The following WWOX variants were observed in gnomAD, a reference collection of about 807,000 sequenced individuals.
WWOX encodes the protein WW domain containing oxidoreductase.
WWOX carries 69 observed loss-of-function variants against 46.2 expected under a neutral mutation model. That is an observed-to-expected ratio of 1.49 (90% CI 1.23 to 1.82). WWOX has a LOEUF of 1.82. Ranked by LOEUF, WWOX falls within the 40% of genes most tolerant of loss-of-function variation. The pLI is 0.00. For missense variants in WWOX, 919 were observed against 542.6 expected, an observed-to-expected ratio of 1.69 and a Z score of -6.89; for synonymous variants, 359 against 202.6, an observed-to-expected ratio of 1.77 and a Z score of -6.56.
chr16:79,190,513 C>T (rs1351537360), intron 8 of WWOX, among the ~76,000 whole-genome samples: 3 of 152,160 alleles, frequency 2.0e-5, no homozygotes, highest in African/African-American at 4.8e-5. Flanking sequence ...AGGCCTCACA[C>T]CCTCTGGCTC....
intron 5 of WWOX, among the ~76,000 whole-genome samples, chr16:78,280,324 A>G (rs1403140679): frequency 6.6e-6 from 1 of 152,204 alleles, no homozygotes; most frequent in Non-Finnish European, 1.5e-5. Flanking sequence ...TATATTTCAC[A>G]TGTTTTAAGA....
intron 5 of WWOX, among the ~76,000 whole-genome samples, chr16:78,216,512 G>C (rs963872696): frequency 1.5e-5 from 2 of 130,870 alleles, no homozygotes; most frequent in African/African-American, 2.9e-5. Context: ...TGGAGGCTCT[G>C]GGGGAAGGTC....
chr16:78,278,636 A>T (rs747957232), intron 5 of WWOX: 2 of 1,610,960 alleles, frequency 1.2e-6, no homozygotes, highest in Non-Finnish European at 8.5e-7. Context: ...AGAAAAGTGC[A>T]GAATAAAAAT....
At chr16:78,287,775 T>G (rs1253913237) in intron 5 of WWOX, among the ~76,000 whole-genome samples, 1 of 152,210 alleles carries the variant, frequency 6.6e-6, no homozygotes, top group East Asian at 1.9e-4. Context: ...ACTAGGCTTC[T>G]AATTTTTTTT....
intron 8 of WWOX, among the ~76,000 whole-genome samples, chr16:78,877,947 T>G (rs900259802): frequency 2.0e-4 from 31 of 152,170 alleles, no homozygotes; most frequent in Admixed American, 1.7e-3. Flanking sequence ...CCAGGTCTGT[T>G]CAATTGCAAA....
At chr16:78,180,664 C>T (rs1036704691) in intron 5 of WWOX, among the ~76,000 whole-genome samples, 3 of 151,732 alleles carry the variant, frequency 2.0e-5, no homozygotes, top group Non-Finnish European at 2.9e-5. Context: ...CCAGCCGCAC[C>T]GGAGAGTTGT....
At chr16:78,238,402 C>T (rs912539331) in intron 5 of WWOX, among the ~76,000 whole-genome samples, 3 of 151,972 alleles carry the variant, frequency 2.0e-5, no homozygotes, top group African/African-American at 2.4e-5. Context: ...CGGGCTCAGG[C>T]GATCTTCCTG....
chr16:78,814,388 T>C (rs1379575722), intron 8 of WWOX, among the ~76,000 whole-genome samples: 2 of 152,066 alleles, frequency 1.3e-5, no homozygotes, highest in African/African-American at 4.8e-5. Context: ...AAATACTATA[T>C]GTTAAAAAAT....
chr16:79,109,647 C>T (rs888799397), intron 8 of WWOX, among the ~76,000 whole-genome samples: 1 of 152,080 alleles, frequency 6.6e-6, no homozygotes, highest in Non-Finnish European at 1.5e-5. Flanking sequence ...ATAAAATGAA[C>T]ACTGGGGTAT....
rs903607095 is a variant in WWOX at position 78,338,263 on chromosome 16, A to G, written c.517-48597A>G. Among the ~76,000 whole-genome samples the G allele has an allele frequency of 2.5e-5, 3 of 121,130 alleles. No individual in the cohort carries two copies. The East Asian group carries it at 5.8e-4, about 23-fold the overall frequency. The allele number at this position is 121,130 out of a possible 152,430, so 79.5% of individuals were successfully genotyped here. A position where few individuals can be genotyped will look rare whatever the true frequency, so the allele number is the denominator to read the frequency against. On this transcript the variant is annotated intron_variant, in intron 5 of 8. Transcript: ENST00000566780. ...CAACCAAAATTTTATCACTTGCCTG[A>G]TACTGCCTAGTGAGCAGGTGGAAAT...
At chr16:78,822,942 A>G (rs1309471175) in intron 8 of WWOX, among the ~76,000 whole-genome samples, 2 of 152,116 alleles carry the variant, frequency 1.3e-5, no homozygotes, top group Admixed American at 1.3e-4. Flanking sequence ...AAAAAAAAAA[A>G]GGAATTAGAA....
chr16:78,188,075 A>T (rs1052936394), intron 5 of WWOX, among the ~76,000 whole-genome samples: 1 of 152,196 alleles, frequency 6.6e-6, no homozygotes, highest in African/African-American at 2.4e-5. Context: ...ATTAAAAGGT[A>T]CTTGCTATAG....
intron 8 of WWOX, among the ~76,000 whole-genome samples, chr16:78,498,686 C>G (rs2084979062): frequency 6.6e-6 from 1 of 152,162 alleles, no homozygotes; most frequent in Non-Finnish European, 1.5e-5. Flanking sequence ...GGCCGATTCC[C>G]CATTCTCTCT....
chr16:78,821,600 C>G (rs1394759266), intron 8 of WWOX, among the ~76,000 whole-genome samples: 1 of 152,044 alleles, frequency 6.6e-6, no homozygotes, highest in Admixed American at 6.6e-5. Context: ...ATTTTTATAC[C>G]CATATATGTG....
chr16:78,605,651 C>A (rs1468468629), intron 8 of WWOX, among the ~76,000 whole-genome samples: 1 of 152,180 alleles, frequency 6.6e-6, no homozygotes, highest in Non-Finnish European at 1.5e-5. Context: ...ACTCAGCTAT[C>A]CAGAATTACA....
intron 4 of WWOX, among the ~76,000 whole-genome samples, chr16:78,130,621 C>G (rs561311225): frequency 6.6e-6 from 1 of 152,346 alleles, no homozygotes; most frequent in East Asian, 1.9e-4. Flanking sequence ...GGTCAGTTTA[C>G]CTGCCTGCTT....
At chr16:78,379,242 G>A (rs534566592) in intron 5 of WWOX, among the ~76,000 whole-genome samples, 101 of 152,248 alleles carry the variant, frequency 6.6e-4, no homozygotes, top group African/African-American at 2.3e-3. Context: ...AAGTTTTTCC[G>A]TATGTGTAAG....
At chr16:78,102,882 G>C (rs1390138801) in intron 1 of WWOX, among the ~76,000 whole-genome samples, 1 of 152,148 alleles carries the variant, frequency 6.6e-6, no homozygotes, top group African/African-American at 2.4e-5. Flanking sequence ...AGGCTTCTGT[G>C]GGTGGGTGGG....
intron 8 of WWOX, among the ~76,000 whole-genome samples, chr16:79,059,770 A>T (rs2048327007): frequency 1.3e-5 from 2 of 152,236 alleles, no homozygotes; most frequent in African/African-American, 4.8e-5. Flanking sequence ...TGAAACATTT[A>T]AAAAAGTTGT....
Sources: allele counts gnomAD v4.1 joint callset (sites outside exome capture counted in the v4.1 genomes callset), GRCh38; gene constraint gnomAD v4.1.1; transcripts MANE v1.5; gene names NCBI Gene and HGNC (gene_info 2026-07-23, HGNC 2026-07-21).